The following GABRB1 variants were observed in gnomAD, a reference collection of about 807,000 sequenced individuals.
GABRB1 encodes the protein gamma-aminobutyric acid receptor subunit beta-1.
A neutral mutation model predicts 51.6 loss-of-function variants in GABRB1; 17 were observed. The observed-to-expected ratio is 0.33, with a 90% CI of 0.23 to 0.49. GABRB1 has a LOEUF of 0.49. GABRB1 is among the 20% of genes least tolerant of loss of function. The probability of loss-of-function intolerance (pLI) is 0.99; values close to 1 mark genes in which losing one functional copy is unlikely to be tolerated. For missense variants in GABRB1, 410 were observed against 600.6 expected (o/e 0.68, Z 3.32); for synonymous variants, 247 against 218.9 (o/e 1.13, Z -1.14).
At chr4:47,152,884 T>C (rs1717523824) in intron 3 of GABRB1, among the ~76,000 whole-genome samples, 1 of 152,046 alleles carries the variant, frequency 6.6e-6, no homozygotes, top group Non-Finnish European at 1.5e-5. Context: ...TAGTGGAGTA[T>C]TAAGTCAACT....
At chr4:47,268,475 C>T (rs1722726114) in intron 4 of GABRB1, among the ~76,000 whole-genome samples, 1 of 151,904 alleles carries the variant, frequency 6.6e-6, no homozygotes, top group Non-Finnish European at 1.5e-5. Flanking sequence ...TAGTTTTTTT[C>T]CTATGTGCAT....
chr4:47,312,075 G>A (rs545963486), intron 4 of GABRB1, among the ~76,000 whole-genome samples: 17 of 151,668 alleles, frequency 1.1e-4, no homozygotes, highest in South Asian at 2.1e-4. Context: ...GTGTGTGCGC[G>A]TGCATACAGG....
rs5858063 is a variant in GABRB1, at chr4:47,325,434, C to CAA, written c.544+5239_544+5240dup. Among the ~76,000 whole-genome samples the CAA allele has an allele frequency of 8.8e-3, 1,250 of 141,884 alleles. 6 individuals carry two copies. Among genetic ancestry groups the CAA allele is most frequent in the African/African-American group, 0.011 (420 of 38,628 alleles). 93.1% of individuals were successfully genotyped at this position (141,884 alleles called of 152,430 possible). A position where few individuals can be genotyped will look rare whatever the true frequency, so the allele number is the denominator to read the frequency against. On this transcript the variant is annotated intron_variant, in intron 5 of 8. Transcript: ENST00000295454. ...TGAGGGATAGCCTCAGACTCCATCT[C>CAA]AAAAAAAAAAAAAAATCAAAGACTT...
intron 3 of GABRB1, among the ~76,000 whole-genome samples, chr4:47,123,175 C>A (rs1330973337): frequency 6.6e-6 from 1 of 150,478 alleles, no homozygotes; most frequent in Non-Finnish European, 1.5e-5. Flanking sequence ...CTTTTAAATA[C>A]AATTTATTCA....
intron 5 of GABRB1, among the ~76,000 whole-genome samples, chr4:47,357,671 T>C (rs1412288540): frequency 6.6e-6 from 1 of 152,178 alleles, no homozygotes; most frequent in Non-Finnish European, 1.5e-5. Flanking sequence ...GGTCCTCCTC[T>C]GGTACCCAGA....
At chr4:47,342,387 G>A (rs1186434055) in intron 5 of GABRB1, among the ~76,000 whole-genome samples, 7 of 130,900 alleles carry the variant, frequency 5.3e-5, no homozygotes, top group South Asian at 5.3e-4. Context: ...AAGACATGAG[G>A]CACCCCACAA....
At chr4:47,128,445 A>G (rs1442254718) in intron 3 of GABRB1, among the ~76,000 whole-genome samples, 1 of 151,922 alleles carries the variant, frequency 6.6e-6, no homozygotes, top group Admixed American at 6.6e-5. Context: ...CTAATCAAAT[A>G]AGAGGATAAG....
intron 3 of GABRB1, among the ~76,000 whole-genome samples, chr4:47,057,273 T>G (rs1560514795): frequency 6.6e-6 from 1 of 152,200 alleles, no homozygotes; most frequent in South Asian, 2.1e-4. Context: ...AAAAAGGACA[T>G]GGTACCTTTA....
chr4:47,360,824 C>T (rs891944851), intron 5 of GABRB1, among the ~76,000 whole-genome samples: 3 of 152,212 alleles, frequency 2.0e-5, no homozygotes, highest in African/African-American at 7.2e-5. Context: ...GTCACTTTCA[C>T]ATGACTTACT....
chr4:47,254,361 GTTTTTTTTTTTTTTTTTTTTTT>G, intron 4 of GABRB1, among the ~76,000 whole-genome samples: 1 of 80,966 alleles, frequency 1.2e-5, no homozygotes, highest in Non-Finnish European at 2.3e-5. Context: ...TCTTTTCTTT[GTTTTTTTTTTTTTTTTTTTTTT>G]TTTTTTTTTG....
intron 3 of GABRB1, among the ~76,000 whole-genome samples, chr4:47,074,152 G>A (rs569572690): frequency 9.2e-5 from 14 of 152,050 alleles, no homozygotes; most frequent in Admixed American, 2.6e-4. Flanking sequence ...TCTCACAAAC[G>A]GAACAGTGAA....
chr4:47,265,047 T>C (rs1722595419), intron 4 of GABRB1, among the ~76,000 whole-genome samples: 1 of 152,236 alleles, frequency 6.6e-6, no homozygotes, highest in Non-Finnish European at 1.5e-5. Flanking sequence ...TAGCACAGTT[T>C]TGTTACATGG....
chr4:47,145,774 T>C (rs1335472816), intron 3 of GABRB1, among the ~76,000 whole-genome samples: 2 of 152,018 alleles, frequency 1.3e-5, no homozygotes, highest in Admixed American at 6.6e-5. Flanking sequence ...GGGGACTGGC[T>C]CCGACAGGAT....
At chr4:47,381,991 G>T (rs2110030243) in intron 5 of GABRB1, among the ~76,000 whole-genome samples, 1 of 152,284 alleles carries the variant, frequency 6.6e-6, no homozygotes, top group South Asian at 2.1e-4. Flanking sequence ...TTATTGTCTA[G>T]GCTGGGGGTA....
chr4:47,032,129 C>G (rs28475494), intron 2 of GABRB1, 124 bp downstream of exon 2: 19,228 of 409,090 alleles, frequency 0.047, 755 homozygotes, highest in Admixed American at 0.21. Context: ...ATACCCTGGG[C>G]ACACACACAC....
At chr4:47,170,044 T>C (rs1200929208) in intron 4 of GABRB1, among the ~76,000 whole-genome samples, 2 of 152,168 alleles carry the variant, frequency 1.3e-5, no homozygotes, top group African/African-American at 4.8e-5. Context: ...CTTTTCTAAT[T>C]CATACTAATG....
chr4:47,263,411 C>T lies in GABRB1; in HGVS notation c.462-56716C>T, dbSNP rs147055335. 2.4e-3 allele frequency among the ~76,000 whole-genome samples: 372 copies of T among 152,004 alleles called. 2 individuals are homozygous for T. Among genetic ancestry groups the T allele is most frequent in the African/African-American group, 8.0e-3 (333 of 41,474 alleles). The stretch of plus-strand genomic sequence containing the variant: ...GACTAGGGGAGAAGTAAGAAGTCAC[C>T]GGGAAGAAGAGAAAAACAACAGTCT... On this transcript the variant is annotated intron_variant, in intron 4 of 8. Transcript: ENST00000295454.
intron 3 of GABRB1, among the ~76,000 whole-genome samples, chr4:47,057,891 G>T (rs1726688214): frequency 6.6e-6 from 1 of 152,194 alleles, no homozygotes; most frequent in South Asian, 2.1e-4. Flanking sequence ...ATACAGGATA[G>T]AATGGACAGA....
rs546534250 is a variant in GABRB1 at position 47,032,094 on chromosome 4, C to T, written c.172+89C>T. On this transcript the variant is annotated intron_variant, in intron 2 of 8. Transcript: ENST00000295454. ...ATGTCAAAAAAAAAAAAAGAAAAGG[C>T]ATGTCATTTTCGTAAGCGTGCACTA... 58 of 792,910 alleles carry T rather than the reference C, an allele frequency of 7.3e-5. 1 individual carries two copies. The East Asian group carries it at 1.6e-3, about 22-fold the overall frequency. 49.1% of individuals were successfully genotyped at this position (792,910 alleles called of 1,614,324 possible). A position where few individuals can be genotyped will look rare whatever the true frequency, so the allele number is the denominator to read the frequency against.
Sources: allele counts gnomAD v4.1 joint callset (sites outside exome capture counted in the v4.1 genomes callset), GRCh38; gene constraint gnomAD v4.1.1; transcripts MANE v1.5; gene names NCBI Gene and HGNC (gene_info 2026-07-23, HGNC 2026-07-21).